CYTH1: variants seen among roughly 807,000 people sequenced by gnomAD.
The protein encoded by CYTH1 is cytohesin 1.
CYTH1 carries 18 observed loss-of-function variants against 61.8 expected under a neutral mutation model. The ratio of observed to expected loss-of-function variants is 0.29; its 90% CI spans 0.20 to 0.43. CYTH1 has a LOEUF of 0.43. Among genes scored for constraint, CYTH1 ranks in the 20% least tolerant of loss-of-function variants. The pLI, the probability that CYTH1 is intolerant of heterozygous loss-of-function variation, is 1.00. For missense variants in CYTH1, 336 were observed against 510.5 expected (o/e 0.66, Z 3.29); for synonymous variants, 174 against 184.3 (o/e 0.94, Z 0.45).
intron 1 of CYTH1, among the ~76,000 whole-genome samples, chr17:78,779,704 G>T (rs1598935710): frequency 1.3e-5 from 2 of 152,300 alleles, no homozygotes; most frequent in African/African-American, 4.8e-5. Flanking sequence ...ATGGAAAGGG[G>T]ACTATGAACC....
chr17:78,743,622 T>C (rs1352271025), intron 1 of CYTH1, among the ~76,000 whole-genome samples: 1 of 152,190 alleles, frequency 6.6e-6, no homozygotes, highest in African/African-American at 2.4e-5. Context: ...AGATAAGAAA[T>C]ACTCAACCCA....
intron 3 of CYTH1, among the ~76,000 whole-genome samples, chr17:78,703,956 C>T (rs2093039496): frequency 6.6e-6 from 1 of 152,180 alleles, no homozygotes; most frequent in African/African-American, 2.4e-5. Context: ...CAGGGGTGGA[C>T]ACTGCTGGGT....
chr17:78,714,570 C>T (rs1261948020), intron 1 of CYTH1, among the ~76,000 whole-genome samples: 1 of 152,112 alleles, frequency 6.6e-6, no homozygotes, highest in Non-Finnish European at 1.5e-5. Context: ...CACACATGAA[C>T]GAAGCCAACT....
chr17:78,767,627 T>C (rs1365437682), intron 1 of CYTH1, among the ~76,000 whole-genome samples: 5 of 151,840 alleles, frequency 3.3e-5, no homozygotes, highest in Admixed American at 3.3e-4. Context: ...AAACGGATGG[T>C]TGGATAGATG....
chr17:78,729,597 T>C (rs1165124315), intron 1 of CYTH1, among the ~76,000 whole-genome samples: 1 of 152,196 alleles, frequency 6.6e-6, no homozygotes, highest in Non-Finnish European at 1.5e-5. Context: ...AGCACACACC[T>C]TTTGATTTGA....
At chr17:78,779,076 C>T (rs1421532227) in intron 1 of CYTH1, among the ~76,000 whole-genome samples, 1 of 152,016 alleles carries the variant, frequency 6.6e-6, no homozygotes, top group Non-Finnish European at 1.5e-5. Flanking sequence ...TTTAGTTCCT[C>T]CAAAATAAAA....
chr17:78,677,616 T>C (rs2092715086), intron 13 of CYTH1: 3 of 153,212 alleles, frequency 2.0e-5, no homozygotes. Flanking sequence ...AGTCCCAGCA[T>C]TAGAGAACAC....
intron 11 of CYTH1, among the ~76,000 whole-genome samples, chr17:78,684,179 C>T (rs11656742): frequency 0.47 from 70,691 of 151,544 alleles, 17,100 homozygotes; most frequent in Non-Finnish European, 0.54. Flanking sequence ...TTTCCTGCTC[C>T]ATCCTGCAGA....
chr17:78,759,018 G>C (rs915259158), intron 1 of CYTH1, among the ~76,000 whole-genome samples: 7 of 151,794 alleles, frequency 4.6e-5, no homozygotes, highest in Admixed American at 4.6e-4. Flanking sequence ...TGGGAGGATT[G>C]CTTAAGCATA....
intron 1 of CYTH1, among the ~76,000 whole-genome samples, chr17:78,760,451 A>ATGTATG (rs2093420550): frequency 1.8e-5 from 1 of 54,704 alleles, no homozygotes; most frequent in South Asian, 5.3e-4. Context: ...ATGTATATAT[A>ATGTATG]TATACATACA....
intron 11 of CYTH1, among the ~76,000 whole-genome samples, chr17:78,682,572 A>C (rs961166694): frequency 6.6e-6 from 1 of 151,756 alleles, no homozygotes; most frequent in Non-Finnish European, 1.5e-5. Flanking sequence ...GCATCCTGAG[A>C]AAGGGTGTGT....
At chr17:78,733,727 C>A (rs767544254) in intron 1 of CYTH1, among the ~76,000 whole-genome samples, 1 of 152,236 alleles carries the variant, frequency 6.6e-6, no homozygotes, top group Non-Finnish European at 1.5e-5. Flanking sequence ...CTTGAAGGAC[C>A]AACGGATTCC....
chr17:78,760,032 G>C (rs2144705497), intron 1 of CYTH1, among the ~76,000 whole-genome samples: 1 of 152,184 alleles, frequency 6.6e-6, no homozygotes, highest in South Asian at 2.1e-4. Context: ...CGTTTGGTAT[G>C]GCTAGAGTAA....
chr17:78,756,971 ATTTTTTTCT>A (rs1293663194), intron 1 of CYTH1, among the ~76,000 whole-genome samples: 80 of 148,412 alleles, frequency 5.4e-4, no homozygotes, highest in African/African-American at 1.4e-3. Flanking sequence ...CAAGGTTTGA[ATTTTTTTCT>A]TTTTTTTCTT....
At chr17:78,724,876 C>T (rs566267586) in intron 1 of CYTH1, among the ~76,000 whole-genome samples, 1 of 152,244 alleles carries the variant, frequency 6.6e-6, no homozygotes, top group East Asian at 1.9e-4. Flanking sequence ...CCTGGCTCTG[C>T]GTTGTATCTT....
intron 11 of CYTH1, among the ~76,000 whole-genome samples, chr17:78,688,587 A>C (rs1243714195): frequency 2.0e-5 from 3 of 152,256 alleles, no homozygotes; most frequent in Non-Finnish European, 4.4e-5. Context: ...ACTCTTCACC[A>C]ACAGCCAGTC....
chr17:78,763,981 T>G (rs1448693230), intron 1 of CYTH1, among the ~76,000 whole-genome samples: 2 of 151,772 alleles, frequency 1.3e-5, no homozygotes, highest in African/African-American at 2.4e-5. Context: ...CACAGTGGTG[T>G]GCGCCTGCAG....
chr17:78,780,726 G>C (rs1173254775), intron 1 of CYTH1, among the ~76,000 whole-genome samples: 1 of 152,086 alleles, frequency 6.6e-6, no homozygotes, highest in African/African-American at 2.4e-5. Flanking sequence ...AAAAATTAGG[G>C]CTGGGCGCGG....
chr17:78,775,411 T>C (rs946389797), intron 1 of CYTH1, among the ~76,000 whole-genome samples: 3 of 152,230 alleles, frequency 2.0e-5, no homozygotes, highest in Non-Finnish European at 4.4e-5. Flanking sequence ...TTTATGCAAT[T>C]GGACCTCAAT....
Sources: gnomAD v4.1 joint callset for allele counts (sites outside exome capture counted in the v4.1 genomes callset) on GRCh38, gnomAD v4.1.1 for gene constraint, MANE v1.5 for transcripts, NCBI Gene and HGNC (gene_info 2026-07-23, HGNC 2026-07-21) for gene names.